The following TMTC2 variants were observed in gnomAD, a reference collection of about 807,000 sequenced individuals.
TMTC2 encodes the protein protein O-mannosyl-transferase TMTC2.
TMTC2 carries 43 observed loss-of-function variants against 82.4 expected under a neutral mutation model. The observed-to-expected ratio is 0.52, with a 90% confidence interval of 0.41 to 0.67. The LOEUF is 0.67. TMTC2 is among the 30% of genes least tolerant of loss of function. TMTC2 has a pLI of 0.00. For missense variants in TMTC2, 919 were observed against 1,012.4 expected (o/e 0.91, Z 1.25); for synonymous variants, 408 against 381.9 (o/e 1.07, Z -0.80).
chr12:82,964,055 A>G (rs538562654), intron 4 of TMTC2, among the ~76,000 whole-genome samples: 2 of 151,436 alleles, frequency 1.3e-5, no homozygotes, highest in South Asian at 2.1e-4. Flanking sequence ...CTTTTCTCTG[A>G]CCTCCCTTTT....
chr12:83,081,420 G>T (rs930924914), intron 11 of TMTC2, among the ~76,000 whole-genome samples: 1 of 152,176 alleles, frequency 6.6e-6, no homozygotes, highest in African/African-American at 2.4e-5. Flanking sequence ...TTACGATTTG[G>T]AAGCCAGATA....
intron 1 of TMTC2, among the ~76,000 whole-genome samples, chr12:82,793,325 T>G (rs1374601494): frequency 6.6e-6 from 1 of 151,848 alleles, no homozygotes; most frequent in African/African-American, 2.4e-5. Context: ...TTTCATCTTT[T>G]TCTCAGGATA....
At chr12:82,707,995 G>A (rs1344217775) in intron 1 of TMTC2, among the ~76,000 whole-genome samples, 2 of 152,166 alleles carry the variant, frequency 1.3e-5, no homozygotes, top group Non-Finnish European at 2.9e-5. Flanking sequence ...GTTTGTGTTG[G>A]ATTATTATCT....
At chr12:82,993,513 G>A (rs369432087) in intron 8 of TMTC2, among the ~76,000 whole-genome samples, 8 of 151,842 alleles carry the variant, frequency 5.3e-5, no homozygotes, top group Non-Finnish European at 7.4e-5. Flanking sequence ...TAAAATATAC[G>A]TAGATACTAG....
At chr12:82,921,567 T>C (rs1159970787) in intron 3 of TMTC2, among the ~76,000 whole-genome samples, 3 of 152,314 alleles carry the variant, frequency 2.0e-5, no homozygotes, top group Admixed American at 6.5e-5. Context: ...GCCCTTGAGA[T>C]GGAGCAGTAG....
chr12:82,828,721 T>C (rs565885738), intron 1 of TMTC2, among the ~76,000 whole-genome samples: 1 of 152,252 alleles, frequency 6.6e-6, no homozygotes, highest in Non-Finnish European at 1.5e-5. Flanking sequence ...ACTTGGACCA[T>C]ACACATAGTA....
chr12:83,096,264 A>G (rs1429217059), intron 11 of TMTC2, among the ~76,000 whole-genome samples: 2 of 152,258 alleles, frequency 1.3e-5, no homozygotes, highest in African/African-American at 4.8e-5. Context: ...GGCAGCACGT[A>G]GGGTCTCCTT....
At chr12:83,035,493 G>A (rs932069901) in intron 9 of TMTC2, among the ~76,000 whole-genome samples, 5 of 152,106 alleles carry the variant, frequency 3.3e-5, no homozygotes, top group African/African-American at 7.2e-5. Flanking sequence ...CCGATTTCTT[G>A]TTGTTTGTAA....
intron 11 of TMTC2, among the ~76,000 whole-genome samples, chr12:83,104,302 G>C (rs1884326923): frequency 6.6e-6 from 1 of 152,212 alleles, no homozygotes; most frequent in Non-Finnish European, 1.5e-5. Flanking sequence ...CCCGTGGGGG[G>C]TTCTATGTGG....
At chr12:82,902,978 C>T (rs1592614369) in intron 3 of TMTC2, among the ~76,000 whole-genome samples, 1 of 152,328 alleles carries the variant, frequency 6.6e-6, no homozygotes, top group East Asian at 1.9e-4. Context: ...TCTCAGGACC[C>T]TGTGTATACT....
At chr12:82,727,890 A>G (rs895717540) in intron 1 of TMTC2, among the ~76,000 whole-genome samples, 1 of 151,930 alleles carries the variant, frequency 6.6e-6, no homozygotes, top group African/African-American at 2.4e-5. Context: ...GCAGATTACT[A>G]GATAGCTGAA....
chr12:83,105,187 C>A (rs1018152065), intron 11 of TMTC2, among the ~76,000 whole-genome samples: 11 of 152,242 alleles, frequency 7.2e-5, no homozygotes, highest in African/African-American at 2.6e-4. Flanking sequence ...ACCATTTAAC[C>A]AGTTTCTAAG....
At chr12:82,985,215 C>T (rs1026760487) in intron 7 of TMTC2, among the ~76,000 whole-genome samples, 2 of 151,898 alleles carry the variant, frequency 1.3e-5, no homozygotes, top group South Asian at 2.1e-4. Context: ...CATGACACCA[C>T]ACCCACCTAA....
At chr12:82,919,148 C>T (rs1033969113) in intron 3 of TMTC2, among the ~76,000 whole-genome samples, 2 of 152,156 alleles carry the variant, frequency 1.3e-5, no homozygotes, top group African/African-American at 4.8e-5. Context: ...TGGCATCTGG[C>T]AAGGGTTGAA....
intron 1 of TMTC2, among the ~76,000 whole-genome samples, chr12:82,778,578 A>G (rs12316393): frequency 2.6e-5 from 4 of 152,182 alleles, no homozygotes; most frequent in Non-Finnish European, 5.9e-5. Flanking sequence ...GGCCGGGCGC[A>G]GTGGCTAACG....
In TMTC2 at chr12:82,808,377, G is replaced by A. The variant is rs1406286502; in HGVS notation, c.84-48633G>A. The stretch of plus-strand genomic sequence containing the variant: ...TTTCTTTAGCGAATATAAGAAGGTG[G>A]TGTGTTAACTACAATAAAATAACTT... On this transcript the variant is annotated intron_variant, in intron 1 of 11. Transcript: ENST00000321196. Among the ~76,000 whole-genome samples, 3 of 152,058 alleles carry A rather than the reference G, an allele frequency of 2.0e-5. No individual in the cohort carries two copies. The East Asian group carries it at 5.8e-4, about 29-fold the overall frequency.
intron 1 of TMTC2, chr12:82,760,882 C>T (rs1051055264): frequency 5.0e-6 from 2 of 402,920 alleles, no homozygotes; most frequent in Non-Finnish European, 1.0e-5. Flanking sequence ...ATGGAACCAT[C>T]TAGTTGCAGG....
rs1555199180 is a variant in TMTC2, at chr12:82,937,738, G to GTGGA, written c.1598+7195_1598+7196insGATG. 6.4e-5 allele frequency among the ~76,000 whole-genome samples: 6 copies of GTGGA among 93,462 alleles called. 1 individual carries two copies. The highest frequency in any genetic ancestry group is 8.9e-5 in the Non-Finnish European group (4 of 45,082). The allele number at this position is 93,462 out of a possible 152,430, so 61.3% of individuals were successfully genotyped here. A position where few individuals can be genotyped will look rare whatever the true frequency, so the allele number is the denominator to read the frequency against. ...TGTGTGTGTGTGTGTGGATGTGTGT[G>GTGGA]TGTGTGTGTGTGTATATATATATAT... On this transcript the variant is annotated intron_variant, in intron 4 of 11. Transcript: ENST00000321196.
intron 7 of TMTC2, among the ~76,000 whole-genome samples, chr12:82,976,086 G>C (rs1368010917): frequency 6.6e-6 from 1 of 152,006 alleles, no homozygotes; most frequent in Non-Finnish European, 1.5e-5. Context: ...ACTCACACGT[G>C]CACATGCACA....
Sources: allele counts gnomAD v4.1 joint callset (sites outside exome capture counted in the v4.1 genomes callset), GRCh38; gene constraint gnomAD v4.1.1; transcripts MANE v1.5; gene names NCBI Gene and HGNC (gene_info 2026-07-23, HGNC 2026-07-21).